Variants in ARRDC5 observed in about 807,000 individuals in gnomAD.
ARRDC5 encodes arrestin domain containing 5.
A neutral mutation model predicts 13.3 loss-of-function variants in ARRDC5; 12 were observed. The ratio of observed to expected loss-of-function variants is 0.90; its 90% confidence interval spans 0.58 to 1.46. The LOEUF is 1.46. Ranked by LOEUF, ARRDC5 falls within the 40% of genes most tolerant of loss-of-function variation. ARRDC5 has a pLI of 0.00. For synonymous variants in ARRDC5, 181 were observed against 173.4 expected (o/e 1.04, Z -0.34); for missense variants, 406 against 418.7 (o/e 0.97, Z 0.26).
In ARRDC5 at chr19:4,890,989, G is replaced by A; in HGVS notation, c.*57C>T. The stretch of plus-strand genomic sequence containing the variant: ...CTCTGAGAGTCACCTGTGCAAGAGA[G>A]AGGGCTTCCTCCTGGTAGAGACTAA... On this transcript the variant is annotated 3_prime_UTR_variant, in exon 3 of 3. Coordinates refer to ENST00000650722, the MANE Select transcript of ARRDC5 (RefSeq NM_001080523.3). 6.8e-7 allele frequency: 1 copy of A among 1,460,766 alleles called. No individual in the cohort carries two copies. Among genetic ancestry groups the A allele is most frequent in the South Asian group, 1.3e-5 (1 of 75,602 alleles). 90.5% of individuals were successfully genotyped at this position (1,460,766 alleles called of 1,614,324 possible).
intron 1 of ARRDC5, among the ~76,000 whole-genome samples, chr19:4,901,925 C>T (rs185334723): frequency 3.0e-4 from 46 of 152,216 alleles, no homozygotes; most frequent in African/African-American, 1.1e-3. Flanking sequence ...CTCGCTCCGT[C>T]ACCCAGGCTG....
At chr19:4,905,069 C>A (rs192925683), upstream of ARRDC5, among the ~76,000 whole-genome samples, 326 of 151,770 alleles carry the variant, frequency 2.1e-3, no homozygotes, top group Non-Finnish European at 2.7e-3. Context: ...CACATTTGGC[C>A]CAGGATGGAA....
At chr19:4,909,048 G>A in the ARRDC5 span, among the ~76,000 whole-genome samples, 2 of 152,310 alleles carry the variant, frequency 1.3e-5, no homozygotes, top group East Asian at 3.9e-4. Context: ...CCAGGCAGTG[G>A]GGCTTGGGGC....
At chr19:4,898,071 A>C (rs536927868) in intron 1 of ARRDC5, among the ~76,000 whole-genome samples, 4 of 152,250 alleles carry the variant, frequency 2.6e-5, no homozygotes, top group Admixed American at 2.6e-4. Context: ...TGGGTGACAG[A>C]GCGAGACGCC....
chr19:4,896,936 CTT>C (rs35308440), intron 1 of ARRDC5, 60 bp from the exon 2 acceptor site: 245 of 940,406 alleles, frequency 2.6e-4, no homozygotes, highest in Middle Eastern at 1.0e-3. Context: ...CCTTCTTCTT[CTT>C]TTTTTTTTTG....
In ARRDC5 at chr19:4,891,242, G is replaced by A; in HGVS notation, c.791C>T (p.Ser264Phe). 6.2e-7 allele frequency: 1 copy of A among 1,613,012 alleles called. No homozygotes were observed. Among genetic ancestry groups the A allele is most frequent in the African/African-American group, 1.3e-5 (1 of 75,012 alleles). The change falls in exon 3 of 3, where the codon TCC becomes TTC. Residue 264 changes from serine (S) to phenylalanine (F), a missense_variant. By Grantham distance (155) the Ser-to-Phe change is radical. Coordinates refer to ENST00000650722, the MANE Select transcript of ARRDC5 (RefSeq NM_001080523.3). ...ACCGTCCTGCGTGCTGCTGCTCACG[G>A]ACAGCAGCAACGGCAGGTTGAAGGT... Reference protein sequence around the residue: ...VSTFNLPLLLSVSSSTQDGEI... With the variant: ...VSTFNLPLLLFVSSSTQDGEI...
At chr19:4,916,722 C>T in the ARRDC5 span, among the ~76,000 whole-genome samples, 1 of 152,254 alleles carries the variant, frequency 6.6e-6, no homozygotes, top group East Asian at 1.9e-4. Flanking sequence ...TCCCTTCTCT[C>T]CCTCCGTCTG....
chr19:4,908,048 C>T, the ARRDC5 span, among the ~76,000 whole-genome samples: 32 of 152,176 alleles, frequency 2.1e-4, no homozygotes, highest in African/African-American at 6.8e-4. Flanking sequence ...TTCCACTTTC[C>T]CATCTCCTTT....
intron 1 of ARRDC5, 37 bp downstream of exon 1, chr19:4,902,536 T>C (rs1364201689): frequency 6.2e-7 from 1 of 1,600,646 alleles, no homozygotes; most frequent in South Asian, 1.1e-5. Context: ...CCCAGGTTCC[T>C]GTCATGGCTA....
At chr19:4,896,907 A>G in intron 1 of ARRDC5, 31 bp from the exon 2 acceptor site, 1 of 1,501,884 alleles carries the variant, frequency 6.7e-7, no homozygotes, top group Non-Finnish European at 9.2e-7. Flanking sequence ...TGCCATCAGA[A>G]GGTTCTAGAA....
At chr19:4,893,939 T>C (rs2031606550) in intron 2 of ARRDC5, among the ~76,000 whole-genome samples, 1 of 148,462 alleles carries the variant, frequency 6.7e-6, no homozygotes, top group Non-Finnish European at 1.5e-5. Context: ...TCCCAGCTAC[T>C]TGGGAGGCTG....
At chr19:4,915,417 TA>T in the ARRDC5 span, among the ~76,000 whole-genome samples, 1 of 152,128 alleles carries the variant, frequency 6.6e-6, no homozygotes, top group Non-Finnish European at 1.5e-5. Flanking sequence ...AAACTTGATT[TA>T]TAAAAACAGG....
At chr19:4,908,896 C>A in the ARRDC5 span, among the ~76,000 whole-genome samples, 5 of 152,108 alleles carry the variant, frequency 3.3e-5, no homozygotes, top group African/African-American at 1.2e-4. Flanking sequence ...CAGGACTGGT[C>A]AGAGTGGAAC....
intron 2 of ARRDC5, among the ~76,000 whole-genome samples, chr19:4,895,025 A>C (rs1470494618): frequency 1.3e-5 from 2 of 152,174 alleles, no homozygotes; most frequent in African/African-American, 4.8e-5. Context: ...CCCTAACTCC[A>C]GACAAAGCTG....
At chr19:4,908,583 G>A in the ARRDC5 span, among the ~76,000 whole-genome samples, 1 of 151,994 alleles carries the variant, frequency 6.6e-6, no homozygotes, top group Non-Finnish European at 1.5e-5. Flanking sequence ...TCTGTCCTTG[G>A]AGTCTCATCT....
chr19:4,905,108 C>CTTTTT (rs61443004), upstream of ARRDC5, among the ~76,000 whole-genome samples: 1 of 95,190 alleles, frequency 1.1e-5, no homozygotes, highest in Non-Finnish European at 2.0e-5. Flanking sequence ...CGTAAACTTT[C>CTTTTT]TTTTTTTTTT....
intron 1 of ARRDC5, among the ~76,000 whole-genome samples, chr19:4,899,180 C>T (rs956154487): frequency 7.9e-5 from 12 of 151,492 alleles, no homozygotes; most frequent in Non-Finnish European, 1.5e-4. Flanking sequence ...GGCGTGGTGG[C>T]GGGTGCCTGT....
At chr19:4,908,498 A>G in the ARRDC5 span, among the ~76,000 whole-genome samples, 4 of 151,900 alleles carry the variant, frequency 2.6e-5, no homozygotes, top group Admixed American at 1.3e-4. Flanking sequence ...CCCCAACCAC[A>G]CCAGCCCCTT....
At chr19:4,909,063 G>A in the ARRDC5 span, 3 of 161,838 alleles carry the variant, frequency 1.9e-5, no homozygotes, top group Admixed American at 6.5e-5. Flanking sequence ...TGGGGCGATC[G>A]GGCGAGCCAT....
Sources: gnomAD v4.1 joint callset for allele counts (sites outside exome capture counted in the v4.1 genomes callset) on GRCh38, gnomAD v4.1.1 for gene constraint, MANE v1.5 for transcripts, NCBI Gene and HGNC (gene_info 2026-07-23, HGNC 2026-07-21) for gene names.